RBFOX3: variants seen among roughly 807,000 people sequenced by gnomAD.
RBFOX3 encodes the protein RNA binding fox-1 homolog 3.
A neutral mutation model predicts 48.7 loss-of-function variants in RBFOX3; 17 were observed. That is an observed-to-expected ratio of 0.35 (90% confidence interval 0.24 to 0.52). The LOEUF (loss-of-function observed/expected upper bound fraction) is 0.52, where lower values mean the gene tolerates loss of function less well. RBFOX3 is among the 20% of genes least tolerant of loss of function. The pLI, the probability that RBFOX3 is intolerant of heterozygous loss-of-function variation, is 0.94. For synonymous variants in RBFOX3, 212 were observed against 209.5 expected (o/e 1.01, Z -0.10); for missense variants, 382 against 497.5 (o/e 0.77, Z 2.21).
rs900710509 is a variant in RBFOX3 at position 79,096,735 on chromosome 17, G to A, written c.854C>T (p.Thr285Ile). The A allele has an allele frequency of 6.5e-7, 1 of 1,544,136 alleles. No individual in the cohort carries two copies. The highest frequency in any genetic ancestry group is 8.8e-7 in the Non-Finnish European group (1 of 1,140,168). ...AGAAAGTGGTGGGAACGCTGGAGAG[G>A]TGGGGTAGGCCGGCTCCGGTGTCTG... The part of the protein sequence containing the change: ...PQQTPEPAYP[T>I]SPAFPPLSCP... The change falls in exon 12 of 15, where the codon ACC becomes ATC. Residue 285 changes from threonine (T) to isoleucine (I), a missense_variant. This residue lies in a region of RBFOX3 where 215 missense variants were observed against 254.8 expected (regional missense o/e 0.84). Coordinates refer to ENST00000693108, the MANE Select transcript of RBFOX3 (RefSeq NM_001350451.2).
intron 8 of RBFOX3, among the ~76,000 whole-genome samples, chr17:79,102,577 G>A (rs936694175): frequency 3.3e-5 from 5 of 152,234 alleles, no homozygotes; most frequent in African/African-American, 1.2e-4. Context: ...GGGGAGCAGG[G>A]AAGGAGGGGA....
intron 1 of RBFOX3, among the ~76,000 whole-genome samples, chr17:79,503,956 C>A (rs2082715639): frequency 6.6e-6 from 1 of 152,164 alleles, no homozygotes; most frequent in African/African-American, 2.4e-5. Flanking sequence ...CACCCACCTT[C>A]CAGACTCCAG....
chr17:79,121,545 CA>C (rs2035744469), intron 4 of RBFOX3, among the ~76,000 whole-genome samples: 1 of 152,224 alleles, frequency 6.6e-6, no homozygotes, highest in Non-Finnish European at 1.5e-5. Context: ...AAGGTTTTTA[CA>C]TCCACCATAC....
At chr17:79,625,333 G>A in the RBFOX3 span, among the ~76,000 whole-genome samples, 1 of 152,198 alleles carries the variant, frequency 6.6e-6, no homozygotes, top group African/African-American at 2.4e-5. Flanking sequence ...GCCCTTGCCT[G>A]CACCAAAGGT....
At position 79,546,669 on chromosome 17, in the gene RBFOX3, A is replaced by ATTTTT. The variant is rs34998319; in HGVS notation, c.-319-64076_-319-64072dup. Among the ~76,000 whole-genome samples the ATTTTT allele has an allele frequency of 1.1e-3, 128 of 121,778 alleles. 3 individuals carry two copies. Among genetic ancestry groups the ATTTTT allele is most frequent in the African/African-American group, 3.6e-3 (116 of 32,328 alleles). 79.9% of individuals were successfully genotyped at this position (121,778 alleles called of 152,430 possible). ...TTCCCAGCAGTACCTTCCTCATTCT[A>ATTTTT]TTTTTTTTTTTTTTTTTTGAGACAC... On this transcript the variant is annotated intron_variant, in intron 1 of 14. Transcript: ENST00000693108.
intron 4 of RBFOX3, among the ~76,000 whole-genome samples, chr17:79,197,932 T>C (rs1222873492): frequency 2.0e-5 from 3 of 152,160 alleles, no homozygotes; most frequent in South Asian, 2.1e-4. Flanking sequence ...ACTCCGGGCA[T>C]GGAAGGGGGT....
chr17:79,570,162 G>C (rs1283673807), intron 1 of RBFOX3, among the ~76,000 whole-genome samples: 1 of 150,512 alleles, frequency 6.6e-6, no homozygotes, highest in Non-Finnish European at 1.5e-5. Flanking sequence ...ATGGATAATA[G>C]ATGGATGGTA....
the RBFOX3 span, among the ~76,000 whole-genome samples, chr17:79,646,820 AC>A: frequency 6.6e-6 from 1 of 151,854 alleles, no homozygotes; most frequent in Admixed American, 6.6e-5. Flanking sequence ...CCTGCCAGCC[AC>A]CCTCTGCCCC....
chr17:79,579,913 T>C (rs2092997667), intron 1 of RBFOX3, among the ~76,000 whole-genome samples: 1 of 36,540 alleles, frequency 2.7e-5, no homozygotes, highest in East Asian at 8.9e-4. Flanking sequence ...ACTGGTGCTG[T>C]GGTGGGGGGA....
intron 1 of RBFOX3, among the ~76,000 whole-genome samples, chr17:79,571,595 G>T (rs1324065980): frequency 6.9e-6 from 1 of 144,744 alleles, no homozygotes; most frequent in African/African-American, 2.6e-5. Flanking sequence ...AATTTGATCA[G>T]GTTGTCTTAA....
intron 2 of RBFOX3, among the ~76,000 whole-genome samples, chr17:79,399,909 G>C (rs1226385923): frequency 1.3e-5 from 2 of 152,194 alleles, no homozygotes; most frequent in African/African-American, 4.8e-5. Flanking sequence ...CTCCCGCTCT[G>C]GAATCTAGAC....
intron 1 of RBFOX3, among the ~76,000 whole-genome samples, chr17:79,538,587 T>C (rs1325122625): frequency 6.6e-6 from 1 of 152,212 alleles, no homozygotes; most frequent in Non-Finnish European, 1.5e-5. Flanking sequence ...GCTTTGAGAA[T>C]CATCCTCGCC....
chr17:79,278,524 G>A (rs1356878217), intron 3 of RBFOX3, among the ~76,000 whole-genome samples: 2 of 141,240 alleles, frequency 1.4e-5, no homozygotes, highest in Admixed American at 1.4e-4. Flanking sequence ...GGCCCTTGCA[G>A]TGAGGTGGGG....
Position 79,571,082 on chromosome 17 carries a change from C to A in RBFOX3, c.-320+39744G>T, listed in dbSNP as rs1220130113. On this transcript the variant is annotated intron_variant, in intron 1 of 14. Transcript: ENST00000693108. ...TATTGTAATGCCAGTTCCACGTCCC[C>A]GGCCCTGGCCTAGCTGTCATTTAAC... is the stretch of plus-strand genomic sequence containing the variant. Among the ~76,000 whole-genome samples, 3 of 152,170 alleles carry A rather than the reference C, an allele frequency of 2.0e-5. No individual in the cohort carries two copies. In the East Asian group the frequency reaches 5.8e-4, roughly 29 times the overall value.
In RBFOX3 at chr17:79,481,526, G is replaced by A. The variant is rs1243838988; in HGVS notation, c.-175+928C>T. 4.6e-5 allele frequency among the ~76,000 whole-genome samples: 7 copies of A among 152,108 alleles called. No homozygotes were observed. The highest frequency in any genetic ancestry group is 3.2e-3 in the Middle Eastern group (1 of 316). ...CTGACCTGGCAACTCACAGGGACCC[G>A]TAGGAAGCTTCAAGTGTGAGGCTGG... On this transcript the variant is annotated intron_variant, in intron 2 of 14. Transcript: ENST00000693108. This position sits in a 1 kb window ranked among gnomAD's most constrained non-coding sequence, Gnocchi z 5.4.
intron 4 of RBFOX3, among the ~76,000 whole-genome samples, chr17:79,129,486 C>CA (rs2038238413): frequency 9.6e-6 from 1 of 103,704 alleles, no homozygotes; most frequent in African/African-American, 3.2e-5. Context: ...TTCCCCCAAG[C>CA]CCCCCAGGCT....
rs544802599 is a variant in RBFOX3 at position 79,219,027 on chromosome 17, T to C, written c.-34+16739A>G. Among the ~76,000 whole-genome samples the C allele has an allele frequency of 7.9e-5, 12 of 152,340 alleles. No homozygotes were observed. In the South Asian group the frequency reaches 2.5e-3, roughly 32 times the overall value. On this transcript the variant is annotated intron_variant, in intron 4 of 14. Transcript: ENST00000693108. ...TCAGCCTGCTCTGCGGACCCCCTGC[T>C]GGACCCACAGTCCAGCTGCTTGGTG... is the stretch of plus-strand genomic sequence containing the variant.
chr17:79,411,513 C>T (rs1296564430), intron 2 of RBFOX3, among the ~76,000 whole-genome samples: 1 of 152,156 alleles, frequency 6.6e-6, no homozygotes, highest in African/African-American at 2.4e-5. Flanking sequence ...CCCTCCAGGT[C>T]TCCATCAGTT....
chr17:79,620,326 CGCACGCACACAGACAT>C, the RBFOX3 span, among the ~76,000 whole-genome samples: 60 of 149,474 alleles, frequency 4.0e-4, 1 homozygote, highest in Middle Eastern at 3.4e-3. Context: ...TGTACATACA[CGCACGCACACAGACAT>C]GCACACACAC....
Sources: allele counts gnomAD v4.1 joint callset (sites outside exome capture counted in the v4.1 genomes callset), GRCh38; gene constraint gnomAD v4.1.1; regional missense constraint gnomAD v4.1.1; non-coding constraint Gnocchi (gnomAD v3.1); transcripts MANE v1.5; gene names NCBI Gene and HGNC (gene_info 2026-07-23, HGNC 2026-07-21).